MYH11: variants seen among roughly 807,000 people sequenced by gnomAD.
MYH11 encodes the protein myosin heavy chain 11.
A neutral mutation model predicts 246.6 loss-of-function variants in MYH11; 80 were observed. That is an observed-to-expected ratio of 0.32 (90% confidence interval 0.27 to 0.39). The LOEUF is 0.39. Ranked by LOEUF, MYH11 falls within the 10% of genes least tolerant of loss-of-function variation. The pLI, the probability that MYH11 is intolerant of heterozygous loss-of-function variation, is 1.00. For synonymous variants in MYH11, 1,071 were observed against 1,015.5 expected (o/e 1.05, Z -1.04); for missense variants, 2,158 against 2,546.8 (o/e 0.85, Z 3.29).
At chr16:15,824,486 G>T (rs185154546) in intron 2 of MYH11, among the ~76,000 whole-genome samples, 23 of 150,460 alleles carry the variant, frequency 1.5e-4, no homozygotes, top group African/African-American at 5.5e-4. Flanking sequence ...TCACCATATT[G>T]CCCAGGCTGG....
At chr16:15,770,185 G>A (rs8044882) in intron 9 of MYH11, among the ~76,000 whole-genome samples, 8,843 of 152,192 alleles carry the variant, frequency 0.058, 837 homozygotes, top group African/African-American at 0.2. Context: ...AGATTCTGAT[G>A]TGGGACCCTG....
chr16:15,839,544 A>G (rs1364921513), intron 1 of MYH11, among the ~76,000 whole-genome samples: 1 of 151,844 alleles, frequency 6.6e-6, no homozygotes, highest in Non-Finnish European at 1.5e-5. Flanking sequence ...AAATACAAAT[A>G]TTAATGGAGT....
chr16:15,717,914 G>C, intron 37 of MYH11: 1 of 317,808 alleles, frequency 3.1e-6, no homozygotes, highest in African/African-American at 2.1e-5. Flanking sequence ...TACACCACAA[G>C]GGGCTGCAGG....
intron 40 of MYH11, among the ~76,000 whole-genome samples, chr16:15,707,954 C>T (rs1231720659): frequency 7.0e-5 from 7 of 100,536 alleles, no homozygotes; most frequent in Non-Finnish European, 9.9e-5. Context: ...AGCGAGACTC[C>T]GTCTCAAAAA....
intron 27 of MYH11, 25 bp downstream of exon 27, chr16:15,732,539 A>G (rs2040996307): frequency 6.2e-7 from 1 of 1,613,756 alleles, no homozygotes; most frequent in Non-Finnish European, 8.5e-7. Flanking sequence ...TGTCATCACC[A>G]AAAAGCATCA....
chr16:15,781,688 G>T (rs2042357609), intron 6 of MYH11, among the ~76,000 whole-genome samples: 1 of 152,168 alleles, frequency 6.6e-6, no homozygotes, highest in Non-Finnish European at 1.5e-5. Context: ...CTGGGGGAGT[G>T]TGCATGGGAA....
chr16:15,767,385 A>G (rs7191390), intron 9 of MYH11, among the ~76,000 whole-genome samples: 9,505 of 152,236 alleles, frequency 0.062, 947 homozygotes, highest in African/African-American at 0.21. Context: ...CTAGTAGGTG[A>G]TAAAGAGTGG....
At chr16:15,761,039 CCCAGGACTAAATAA>C (rs2041856398) in intron 10 of MYH11, among the ~76,000 whole-genome samples, 2 of 152,164 alleles carry the variant, frequency 1.3e-5, no homozygotes, top group African/African-American at 4.8e-5. Flanking sequence ...CTTGTTGGTA[CCCAGGACTAAATAA>C]GGTAAAGTAT....
chr16:15,759,522 A>C, intron 12 of MYH11, 54 bp downstream of exon 12: 1 of 1,612,984 alleles, frequency 6.2e-7, no homozygotes. Flanking sequence ...CTCCAAGAAA[A>C]AGCCCATCTC....
intron 9 of MYH11, among the ~76,000 whole-genome samples, chr16:15,768,864 G>A (rs535846431): frequency 6.6e-6 from 1 of 152,158 alleles, no homozygotes; most frequent in Non-Finnish European, 1.5e-5. Flanking sequence ...GAACACTGGG[G>A]ACTGGGCATG....
rs62029320 is a variant in MYH11 at position 15,756,147 on chromosome 16, T to C, written c.1749+194A>G. 0.25 allele frequency among the ~76,000 whole-genome samples: 37,401 copies of C among 152,186 alleles called. 5,198 individuals are homozygous for C. The highest frequency in any genetic ancestry group is 0.39 in the East Asian group (2,039 of 5,166). On this transcript the variant is annotated intron_variant, in intron 14 of 40. Transcript: ENST00000300036. ...GTCTGGACGTCACGGTTGGAAAACA[T>C]GAGAGTGGCTACAGCTGATGCCTTA...
In MYH11 at chr16:15,717,368, C is replaced by T; in HGVS notation, c.5296-20G>A. 3 of 1,602,550 alleles carry T rather than the reference C, an allele frequency of 1.9e-6. No individual in the cohort carries two copies. The highest frequency in any genetic ancestry group is 3.3e-4 in the Middle Eastern group (2 of 6,028). On this transcript the variant is annotated intron_variant, in intron 37 of 40. Transcript: ENST00000300036. ...CTCGGCCTGGGGAGGAGAGTGAAGG[C>T]CATGAGGCGGACTCAGGGAAGCCCA... is the stretch of plus-strand genomic sequence containing the variant.
At chr16:15,828,216 C>T (rs949406982) in intron 2 of MYH11, among the ~76,000 whole-genome samples, 1 of 152,200 alleles carries the variant, frequency 6.6e-6, no homozygotes, top group African/African-American at 2.4e-5. Flanking sequence ...TACGAACAAG[C>T]CCTTCATAGA....
chr16:15,753,814 G>A (rs556765757), intron 14 of MYH11, among the ~76,000 whole-genome samples: 1 of 152,194 alleles, frequency 6.6e-6, no homozygotes, highest in African/African-American at 2.4e-5. Context: ...CAGTACCTGT[G>A]AGTTATACAC....
intron 3 of MYH11, among the ~76,000 whole-genome samples, chr16:15,807,386 C>T (rs564901976): frequency 1.3e-5 from 2 of 152,058 alleles, no homozygotes; most frequent in East Asian, 1.9e-4. Flanking sequence ...AGCAGTGCTA[C>T]GATGGATGTG....
chr16:15,721,481 T>G lies in MYH11; in HGVS notation c.4519A>C (p.Lys1507Gln). Residue 1507 changes from lysine to glutamine, a missense_variant, in exon 32 of 41, where the codon AAA (lysine) becomes CAA (glutamine). Coordinates refer to ENST00000300036, the MANE Select transcript of MYH11 (RefSeq NM_002474.3). ...TCTTCCATTTCGGCTTTGAGCATTT[T>G]GTTGGTCCGCTCGAGTTCCTCTTTG... ...EAKEELERTN[K>Q]MLKAEMEDLV... The G allele has an allele frequency of 6.2e-6, 10 of 1,614,198 alleles. No individual in the cohort carries two copies. The highest frequency in any genetic ancestry group is 8.5e-6 in the Non-Finnish European group (10 of 1,180,046).
At chr16:15,819,734 C>G (rs1014765614) in intron 3 of MYH11, among the ~76,000 whole-genome samples, 3 of 152,088 alleles carry the variant, frequency 2.0e-5, no homozygotes, top group African/African-American at 7.2e-5. Context: ...GTAATGCGCT[C>G]GAATCATCCC....
At chr16:15,798,747 T>C in intron 3 of MYH11, 60 bp from the exon 4 acceptor site, 1 of 1,546,054 alleles carries the variant, frequency 6.5e-7, no homozygotes, top group Non-Finnish European at 8.9e-7. Flanking sequence ...GCTAAGGGTC[T>C]GGACTTGGCT....
At chr16:15,726,755 AAG>A (rs1343358561) in intron 28 of MYH11, 91 bp downstream of exon 28, 3 of 1,456,094 alleles carry the variant, frequency 2.1e-6, no homozygotes, top group African/African-American at 2.8e-5. Flanking sequence ...GCCTTGCAGC[AAG>A]AGAGACCTCA....
Sources: gnomAD v4.1 joint callset for allele counts (sites outside exome capture counted in the v4.1 genomes callset) on GRCh38, gnomAD v4.1.1 for gene constraint, MANE v1.5 for transcripts, NCBI Gene and HGNC (gene_info 2026-07-23, HGNC 2026-07-21) for gene names.